RAPGEF2: variants seen among roughly 807,000 people sequenced by gnomAD.
RAPGEF2 encodes the protein PDZ domain containing guanine nucleotide exchange factor (GEF) 1.
In RAPGEF2, 54 loss-of-function variants were observed where a neutral mutation model predicts 186.7. That is an observed-to-expected ratio of 0.29 (90% CI 0.23 to 0.36). The LOEUF (loss-of-function observed/expected upper bound fraction) is 0.36, where lower values mean the gene tolerates loss of function less well. Ranked by LOEUF, RAPGEF2 falls within the 10% of genes least tolerant of loss-of-function variation. RAPGEF2 has a pLI of 1.00. For missense variants in RAPGEF2, 1,532 were observed against 2,045.0 expected, an observed-to-expected ratio of 0.75 and a Z score of 4.84; for synonymous variants, 712 against 705.9, an observed-to-expected ratio of 1.01 and a Z score of -0.14.
intron 1 of RAPGEF2, among the ~76,000 whole-genome samples, chr4:159,172,328 T>G (rs1331277683): frequency 6.6e-6 from 1 of 152,252 alleles, no homozygotes; most frequent in Non-Finnish European, 1.5e-5. Context: ...ACACACATTT[T>G]AAGTTATGCA....
In RAPGEF2 at chr4:159,304,376, A is replaced by G. The variant is rs752256427; in HGVS notation, c.578A>G (p.Asp193Gly). 2 of 1,605,124 alleles carry G rather than the reference A, an allele frequency of 1.2e-6. No homozygotes were observed. Among genetic ancestry groups the G allele is most frequent in the Non-Finnish European group, 1.7e-6 (2 of 1,172,572 alleles). ...PADFTKLHLT[D>G]SLHPQVTHVS... ...GATTTCACAAAACTGCATCTTACTG[A>G]CAGTCTCCACCCACAGGTGACCCAC... The change falls in exon 8 of 30, where the codon GAC becomes GGC. Residue 193 changes from aspartate to glycine, a missense_variant. Transcript: ENST00000691494.
At chr4:159,174,247 C>T (rs1255237400) in intron 1 of RAPGEF2, among the ~76,000 whole-genome samples, 1 of 152,126 alleles carries the variant, frequency 6.6e-6, no homozygotes, top group Non-Finnish European at 1.5e-5. Context: ...AACATAACAC[C>T]CAGTTGGTAA....
intron 1 of RAPGEF2, among the ~76,000 whole-genome samples, chr4:159,173,009 T>G (rs1239198552): frequency 1.3e-5 from 2 of 152,158 alleles, no homozygotes; most frequent in African/African-American, 2.4e-5. Flanking sequence ...TAAAATTTCT[T>G]TAGCATTTTA....
intron 5 of RAPGEF2, among the ~76,000 whole-genome samples, chr4:159,240,029 G>A (rs578255082): frequency 2.0e-5 from 3 of 152,298 alleles, no homozygotes; most frequent in African/African-American, 7.2e-5. Flanking sequence ...TGAGAAAGTA[G>A]CATAGTAATG....
At chr4:159,123,033 G>A (rs1034698667) in intron 1 of RAPGEF2, among the ~76,000 whole-genome samples, 1 of 151,766 alleles carries the variant, frequency 6.6e-6, no homozygotes, top group Admixed American at 6.6e-5. Context: ...TCTTCCTTAT[G>A]ATTTTAATGA....
chr4:159,334,107 T>C (rs1767068128), intron 17 of RAPGEF2, among the ~76,000 whole-genome samples: 1 of 152,214 alleles, frequency 6.6e-6, no homozygotes, highest in Admixed American at 6.5e-5. Flanking sequence ...CAAGAGGATA[T>C]ATTGAGTAAG....
Position 159,343,135 on chromosome 4 carries a change from T to C in RAPGEF2, c.3075T>C (p.Pro1025=). 2.5e-6 allele frequency: 4 copies of C among 1,614,040 alleles called. No homozygotes were observed. Among genetic ancestry groups the C allele is most frequent in the Non-Finnish European group, 3.4e-6 (4 of 1,179,968 alleles). The change falls in exon 21 of 30, where the codon CCT becomes CCC. Residue 1025 remains proline (P), a synonymous_variant. Coordinates refer to ENST00000691494, the MANE Select transcript of RAPGEF2 (RefSeq NM_001394067.2). ...TTCTCAATAGTCAAAATCTACAACC[T>C]CCCATAATCCCTCTATTCCCAGTTA... is the stretch of plus-strand genomic sequence containing the variant. The part of the protein sequence containing the change: ...RNVLNSQNLQ[P]PIIPLFPVIK...
chr4:159,125,087 T>C (rs927577376), intron 1 of RAPGEF2, among the ~76,000 whole-genome samples: 1 of 152,190 alleles, frequency 6.6e-6, no homozygotes, highest in Admixed American at 6.5e-5. Context: ...TACAGTTTTC[T>C]TCCTGCATTA....
At chr4:159,322,187 C>T (rs1579932347) in intron 9 of RAPGEF2, among the ~76,000 whole-genome samples, 160 bp from the exon 10 acceptor site, 2 of 152,154 alleles carry the variant, frequency 1.3e-5, no homozygotes, top group African/African-American at 4.8e-5. Flanking sequence ...TCTTTGTGTA[C>T]CTGCAAGAAA....
At chr4:159,220,362 A>AGTGGG (rs2111401124) in intron 4 of RAPGEF2, among the ~76,000 whole-genome samples, 1 of 139,514 alleles carries the variant, frequency 7.2e-6, no homozygotes, top group South Asian at 2.6e-4. Context: ...AAATTCCCAC[A>AGTGGG]GTGGGGTGGG....
intron 19 of RAPGEF2, 60 bp from the exon 20 acceptor site, chr4:159,341,504 A>C: frequency 6.7e-7 from 1 of 1,485,280 alleles, no homozygotes; most frequent in Non-Finnish European, 9.0e-7. Flanking sequence ...TTATTCTTTC[A>C]AGGAATATCA....
intron 9 of RAPGEF2, among the ~76,000 whole-genome samples, chr4:159,319,325 A>G (rs1764965719): frequency 6.6e-6 from 1 of 152,132 alleles, no homozygotes; most frequent in Non-Finnish European, 1.5e-5. Flanking sequence ...CCCTACTGTG[A>G]ACTGCATATG....
chr4:159,151,394 G>C (rs1358617248), intron 1 of RAPGEF2, among the ~76,000 whole-genome samples: 2 of 152,144 alleles, frequency 1.3e-5, no homozygotes, highest in African/African-American at 4.8e-5. Flanking sequence ...TTTGAGCAGT[G>C]CTTGTTAGCT....
At chr4:159,354,086 A>G (rs1561344079) in intron 28 of RAPGEF2, 40 bp downstream of exon 28, 4 of 1,481,670 alleles carry the variant, frequency 2.7e-6, no homozygotes, top group Non-Finnish European at 2.7e-6. Flanking sequence ...TGTCTGGATC[A>G]TGTCTTTAAT....
In RAPGEF2 at chr4:159,193,200, G is replaced by C. The variant is rs1483831963; in HGVS notation, c.141G>C (p.Arg47Ser). The part of the protein sequence containing the change: ...ALSNLREHQL[R>S]LMCETVRYER... ...ACTCATGTTTTTATCTCTTTTACAG[G>C]TTAATGTGTGAAACTGTGAGATATG... Residue 47 changes from arginine (R) to serine (S), a missense_variant and splice_region_variant, in exon 3 of 30, where the codon AGG (arginine) becomes AGC (serine). Arg to Ser is a moderately radical substitution (Grantham distance 110, BLOSUM62 -1). Transcript: ENST00000691494. 5 of 1,493,922 alleles carry C rather than the reference G, an allele frequency of 3.3e-6. No homozygotes were observed. Among genetic ancestry groups the C allele is most frequent in the Non-Finnish European group, 4.4e-6 (5 of 1,126,484 alleles). The allele number at this position is 1,493,922 out of a possible 1,614,324, so 92.5% of individuals were successfully genotyped here. A position where few individuals can be genotyped will look rare whatever the true frequency, so the allele number is the denominator to read the frequency against.
intron 7 of RAPGEF2, chr4:159,267,240 G>A: frequency 7.8e-7 from 1 of 1,289,262 alleles, no homozygotes; most frequent in Non-Finnish European, 1.0e-6. Flanking sequence ...AGAAAAGGAA[G>A]CTTTCTATCC....
At chr4:159,201,785 G>A (rs539964965) in intron 3 of RAPGEF2, among the ~76,000 whole-genome samples, 31 of 152,288 alleles carry the variant, frequency 2.0e-4, no homozygotes, top group African/African-American at 7.0e-4. Flanking sequence ...GAAAATAAAG[G>A]TGTTTTTCTA....
Position 159,210,596 on chromosome 4 carries a change from C to T in RAPGEF2, c.281+13C>T, listed in dbSNP as rs1328108529. The T allele has an allele frequency of 4.7e-6, 7 of 1,489,354 alleles. No individual in the cohort carries two copies. Among genetic ancestry groups the T allele is most frequent in the Non-Finnish European group, 6.3e-6 (7 of 1,105,578 alleles). The allele number at this position is 1,489,354 out of a possible 1,614,324, so 92.3% of individuals were successfully genotyped here. A position where few individuals can be genotyped will look rare whatever the true frequency, so the allele number is the denominator to read the frequency against. On this transcript the variant is annotated intron_variant, in intron 4 of 29. Coordinates refer to ENST00000691494, the MANE Select transcript of RAPGEF2 (RefSeq NM_001394067.2). ...TTCCAAGAAGCAGGTATTGTATAGA[C>T]ATTCTGTAATAGATTATCCATGAAG...
At chr4:159,139,270 A>C (rs1416147459) in intron 1 of RAPGEF2, among the ~76,000 whole-genome samples, 1 of 151,990 alleles carries the variant, frequency 6.6e-6, no homozygotes, top group African/African-American at 2.4e-5. Context: ...GCAATGAGGA[A>C]GCAGTGTGGA....
Sources: allele counts gnomAD v4.1 joint callset (sites outside exome capture counted in the v4.1 genomes callset), GRCh38; gene constraint gnomAD v4.1.1; transcripts MANE v1.5; gene names NCBI Gene and HGNC (gene_info 2026-07-23, HGNC 2026-07-21).